The following STAT4 variants were observed in gnomAD, a reference collection of about 807,000 sequenced individuals.
STAT4 encodes the protein signal transducer and activator of transcription 4.
Under a neutral mutation model 110.5 loss-of-function variants are expected in STAT4, and 42 were observed. The observed-to-expected ratio is 0.38, with a 90% confidence interval of 0.30 to 0.49. The LOEUF (loss-of-function observed/expected upper bound fraction) is 0.49. Ranked by LOEUF, STAT4 falls within the 20% of genes least tolerant of loss-of-function variation. The pLI, the probability that STAT4 is intolerant of heterozygous loss-of-function variation, is 0.95. For missense variants in STAT4, 632 were observed against 887.9 expected (o/e 0.71, Z 3.66); for synonymous variants, 284 against 302.2 (o/e 0.94, Z 0.63).
intron 3 of STAT4, among the ~76,000 whole-genome samples, chr2:191,130,554 T>C (rs549392011): frequency 2.0e-5 from 3 of 151,822 alleles, no homozygotes; most frequent in African/African-American, 7.3e-5. Flanking sequence ...AATATATTTG[T>C]TATCCTCTGT....
chr2:191,124,108 T>C (rs1698811538), intron 3 of STAT4, among the ~76,000 whole-genome samples: 2 of 152,204 alleles, frequency 1.3e-5, no homozygotes, highest in South Asian at 2.1e-4. Flanking sequence ...GGAATATTCA[T>C]TGCAATAAGG....
intron 14 of STAT4, among the ~76,000 whole-genome samples, chr2:191,052,586 C>A (rs1219465657): frequency 6.6e-6 from 1 of 152,108 alleles, no homozygotes; most frequent in Admixed American, 6.5e-5. Context: ...TGAAGATTTT[C>A]ATTTTACATT....
At chr2:191,123,789 G>C (rs1464082799) in intron 3 of STAT4, among the ~76,000 whole-genome samples, 1 of 152,184 alleles carries the variant, frequency 6.6e-6, no homozygotes, top group African/African-American at 2.4e-5. Flanking sequence ...GCAGGGGCTC[G>C]CTGCGACTGA....
At chr2:191,102,275 T>C (rs1698166624) in intron 3 of STAT4, among the ~76,000 whole-genome samples, 1 of 152,182 alleles carries the variant, frequency 6.6e-6, no homozygotes, top group South Asian at 2.1e-4. Flanking sequence ...TCCACTCACA[T>C]GCATTGCTAT....
At chr2:191,049,405 T>G (rs1696456441) in intron 14 of STAT4, among the ~76,000 whole-genome samples, 1 of 152,090 alleles carries the variant, frequency 6.6e-6, no homozygotes, top group Non-Finnish European at 1.5e-5. Flanking sequence ...CTCACTCTCC[T>G]GACCTCGTGA....
At chr2:191,041,016 A>T in intron 15 of STAT4, 49 bp downstream of exon 15, 1 of 1,258,934 alleles carries the variant, frequency 7.9e-7, no homozygotes, top group African/African-American at 1.5e-5. Flanking sequence ...ATGCTGACCA[A>T]TTCTTGCAAA....
intron 3 of STAT4, among the ~76,000 whole-genome samples, chr2:191,127,198 C>G (rs1698904434): frequency 6.6e-6 from 1 of 152,072 alleles, no homozygotes; most frequent in East Asian, 1.9e-4. Context: ...GTGGGTCTTC[C>G]TAGAGAGAAA....
At position 191,090,721 on chromosome 2, in the gene STAT4, C is replaced by T. The variant is rs534949246; in HGVS notation, c.274-14396G>A. Among the ~76,000 whole-genome samples the T allele has an allele frequency of 5.3e-5, 8 of 152,068 alleles. No homozygotes were observed. Among genetic ancestry groups the T allele is most frequent in the African/African-American group, 9.6e-5 (4 of 41,456 alleles). On this transcript the variant is annotated intron_variant, in intron 3 of 23. Coordinates refer to ENST00000392320, the MANE Select transcript of STAT4 (RefSeq NM_003151.4). This position sits in a 1 kb window ranked among gnomAD's most constrained non-coding sequence, Gnocchi z 4.2. ...GACTAGAGGCACCCGCCACCATGCC[C>T]GGCTAATTTTTTGTATTTTTAGTAG...
At chr2:191,057,802 G>C (rs1031598716) in intron 13 of STAT4, among the ~76,000 whole-genome samples, 1 of 151,846 alleles carries the variant, frequency 6.6e-6, no homozygotes, top group African/African-American at 2.4e-5. Flanking sequence ...GTTTCACTAT[G>C]TTGGGCAGGC....
rs753046762 is a variant in STAT4 at position 191,135,164 on chromosome 2, A to G, written c.273+11449T>C. 2.0e-5 allele frequency among the ~76,000 whole-genome samples: 3 copies of G among 152,176 alleles called. No individual in the cohort carries two copies. Among genetic ancestry groups the G allele is most frequent in the Non-Finnish European group, 2.9e-5 (2 of 68,022 alleles). ...AAATCAATAAACAACTTGCTAGACT[A>G]ACCATAAAAAAGAGAGATGACCCAA... On this transcript the variant is annotated intron_variant, in intron 3 of 23. Transcript: ENST00000392320. This position sits in a 1 kb window ranked among gnomAD's most constrained non-coding sequence, Gnocchi z 4.8.
In STAT4 at chr2:191,066,969, T is replaced by C. The variant is rs1184617119; in HGVS notation, c.545-454A>G. Among the ~76,000 whole-genome samples, 1 of 152,086 alleles carries C rather than the reference T, an allele frequency of 6.6e-6. No homozygotes were observed. The highest frequency in any genetic ancestry group is 2.4e-5 in the African/African-American group (1 of 41,422). On this transcript the variant is annotated intron_variant, in intron 6 of 23. Coordinates refer to ENST00000392320, the MANE Select transcript of STAT4 (RefSeq NM_003151.4). This position sits in a 1 kb window ranked among gnomAD's most constrained non-coding sequence, Gnocchi z 4.3. ...TGCTCTGCTTCATATGCAGGTTTTA[T>C]GAGAAACTGCCTGATAGAGTTACAG...
At chr2:191,098,513 A>G (rs1698068191) in intron 3 of STAT4, among the ~76,000 whole-genome samples, 1 of 152,170 alleles carries the variant, frequency 6.6e-6, no homozygotes, top group Non-Finnish European at 1.5e-5. Context: ...CAGCACAAGG[A>G]CAGAAAACCA....
Position 191,060,561 on chromosome 2 carries a change from G to A in STAT4, c.1034+1168C>T, listed in dbSNP as rs945785948. On this transcript the variant is annotated intron_variant, in intron 10 of 23. Transcript: ENST00000392320. This position sits in a 1 kb window ranked among gnomAD's most constrained non-coding sequence, Gnocchi z 4.5. ...AGCCTCTTAAGTAGCTGGGATTACA[G>A]GCATGAGCCAACATGCTCAGCTAAT... Among the ~76,000 whole-genome samples the A allele has an allele frequency of 2.0e-5, 3 of 152,184 alleles. No individual in the cohort carries two copies. Among genetic ancestry groups the A allele is most frequent in the African/African-American group, 7.2e-5 (3 of 41,440 alleles).
Position 191,033,477 on chromosome 2 carries a change from A to G in STAT4, c.1852+13T>C, listed in dbSNP as rs748265285. The G allele has an allele frequency of 1.4e-5, 23 of 1,594,126 alleles. No individual in the cohort carries two copies. Among genetic ancestry groups the G allele is most frequent in the Middle Eastern group, 3.4e-4 (2 of 5,948 alleles). On this transcript the variant is annotated intron_variant, in intron 20 of 23. Coordinates refer to ENST00000392320, the MANE Select transcript of STAT4 (RefSeq NM_003151.4). This position sits in a 1 kb window ranked among gnomAD's most constrained non-coding sequence, Gnocchi z 6.9. ...AACTAATTTCACATGAATAAACATT[A>G]GTGAGTATATACCACTTTCAGAATG...
chr2:191,084,828 A>T (rs999073747), intron 3 of STAT4, among the ~76,000 whole-genome samples: 26 of 152,002 alleles, frequency 1.7e-4, no homozygotes, highest in African/African-American at 6.0e-4. Flanking sequence ...TTCTTGGAGC[A>T]CTGATCTACT....
chr2:191,149,974 T>C (rs1699554008), intron 1 of STAT4, among the ~76,000 whole-genome samples: 1 of 152,172 alleles, frequency 6.6e-6, no homozygotes, highest in South Asian at 2.1e-4. Flanking sequence ...GTGTATATTT[T>C]CAAAAAGCTA....
intron 15 of STAT4, among the ~76,000 whole-genome samples, chr2:191,040,519 T>A (rs1696161603): frequency 6.6e-6 from 1 of 152,176 alleles, no homozygotes; most frequent in Non-Finnish European, 1.5e-5. Context: ...TTAATGTATA[T>A]AAAGTTCGTA....
chr2:191,083,599 G>C lies in STAT4; in HGVS notation c.274-7274C>G, dbSNP rs573858061. On this transcript the variant is annotated intron_variant, in intron 3 of 23. Coordinates refer to ENST00000392320, the MANE Select transcript of STAT4 (RefSeq NM_003151.4). The surrounding 1 kb of genome is among the most constrained non-coding windows in gnomAD (Gnocchi z 4.6). ...TATTTATTCTTTGTGGTATCTCTGG[G>C]ATATGAAGCATTTGTCTCCATTTAC... Among the ~76,000 whole-genome samples, 1 of 152,178 alleles carries C rather than the reference G, an allele frequency of 6.6e-6. No individual in the cohort carries two copies. The highest frequency in any genetic ancestry group is 2.4e-5 in the African/African-American group (1 of 41,514).
At position 191,146,100 on chromosome 2, in the gene STAT4, C is replaced by T. The variant is rs1357827589; in HGVS notation, c.273+513G>A. Among the ~76,000 whole-genome samples the T allele has an allele frequency of 6.6e-6, 1 of 152,132 alleles. No homozygotes were observed. Among genetic ancestry groups the T allele is most frequent in the Non-Finnish European group, 1.5e-5 (1 of 68,020 alleles). On this transcript the variant is annotated intron_variant, in intron 3 of 23. Transcript: ENST00000392320. This position sits in a 1 kb window ranked among gnomAD's most constrained non-coding sequence, Gnocchi z 4.5. ...TCGAATATACTAAATGCCACAGTAT[C>T]GATGTGTTCTGGTGCTGAGGAAACA... is the stretch of plus-strand genomic sequence containing the variant.
Sources: allele counts gnomAD v4.1 joint callset (sites outside exome capture counted in the v4.1 genomes callset), GRCh38; gene constraint gnomAD v4.1.1; non-coding constraint Gnocchi (gnomAD v3.1); transcripts MANE v1.5; gene names NCBI Gene and HGNC (gene_info 2026-07-23, HGNC 2026-07-21).